Variants in MTMR12 observed in about 807,000 individuals in gnomAD.
The protein encoded by MTMR12 is myotubularin-related protein 12.
A neutral mutation model predicts 96.7 loss-of-function variants in MTMR12; 33 were observed. The ratio of observed to expected loss-of-function variants is 0.34; its 90% confidence interval spans 0.26 to 0.46. The LOEUF (loss-of-function observed/expected upper bound fraction) is 0.46. Ranked by LOEUF, MTMR12 falls within the 20% of genes least tolerant of loss-of-function variation. MTMR12 has a pLI of 1.00. For synonymous variants in MTMR12, 298 were observed against 327.2 expected, an observed-to-expected ratio of 0.91 and a Z score of 0.96; for missense variants, 721 against 896.1, an observed-to-expected ratio of 0.80 and a Z score of 2.49.
intron 1 of MTMR12, among the ~76,000 whole-genome samples, chr5:32,302,258 T>G (rs1386196161): frequency 1.3e-5 from 2 of 152,248 alleles, no homozygotes; most frequent in Non-Finnish European, 2.9e-5. Flanking sequence ...ACAGCATGGT[T>G]TTACAACTGC....
chr5:32,312,890 C>T lies in MTMR12; in HGVS notation c.-52G>A. 8.8e-6 allele frequency: 13 copies of T among 1,483,088 alleles called. No homozygotes were observed. Among genetic ancestry groups the T allele is most frequent in the African/African-American group, 5.8e-5 (4 of 68,672 alleles). 91.9% of individuals were successfully genotyped at this position (1,483,088 alleles called of 1,614,324 possible). ...GCGGACGCAGAGGCGGCGGCTCGGGCTCCAGCTGGGGCAGCAGCGGCGGCC... is the reference window on the plus strand; with the variant it reads ...GCGGACGCAGAGGCGGCGGCTCGGGTTCCAGCTGGGGCAGCAGCGGCGGCC... On this transcript the variant is annotated 5_prime_UTR_variant, in exon 1 of 16. Transcript: ENST00000382142. The surrounding 1 kb of genome is among the most constrained non-coding windows in gnomAD (Gnocchi z 5.0).
chr5:32,296,964 G>A (rs1002272488), intron 1 of MTMR12, among the ~76,000 whole-genome samples: 4 of 151,828 alleles, frequency 2.6e-5, no homozygotes, highest in East Asian at 1.9e-4. Context: ...TTAGCTGGGC[G>A]TGATGGCGGG....
intron 8 of MTMR12, among the ~76,000 whole-genome samples, chr5:32,253,787 A>G (rs900444844): frequency 5.3e-5 from 8 of 152,136 alleles, no homozygotes; most frequent in African/African-American, 1.9e-4. Flanking sequence ...TTACCAGGCT[A>G]ATTTTAAAAA....
At chr5:32,238,142 T>A (rs868695969) in intron 13 of MTMR12, among the ~76,000 whole-genome samples, 645 of 38,388 alleles carry the variant, frequency 0.017, 8 homozygotes, top group African/African-American at 0.056. Flanking sequence ...AGACTCCGTC[T>A]CAAAAAAAAA....
intron 8 of MTMR12, among the ~76,000 whole-genome samples, chr5:32,254,144 T>C (rs80291009): frequency 3.2e-3 from 489 of 152,352 alleles, no homozygotes; most frequent in South Asian, 8.7e-3. Context: ...TATGAAAGAC[T>C]GAAAGATAGA....
Position 32,229,908 on chromosome 5 carries a change from A to G in MTMR12, c.2114T>C (p.Leu705Ser), listed in dbSNP as rs759591272. 1 of 1,613,424 alleles carries G rather than the reference A, an allele frequency of 6.2e-7. No homozygotes were observed. Among genetic ancestry groups the G allele is most frequent in the South Asian group, 1.1e-5 (1 of 90,928 alleles). The change falls in exon 16 of 16, where the codon TTG becomes TCG. Residue 705 changes from leucine (L) to serine (S), a missense_variant. Physicochemically the swap from Leu to Ser is moderately radical, Grantham distance 145. Transcript: ENST00000382142. ...TCGCTGGAGCAGAGCGAAAGGAAACAAAGACGAGAGGCGGGCAGAGTTCCT... is the reference window on the plus strand; with the variant it reads ...TCGCTGGAGCAGAGCGAAAGGAAACGAAGACGAGAGGCGGGCAGAGTTCCT... The part of the protein sequence containing the change: ...LLRNSARLSS[L>S]FPFALLQRHS...
intron 1 of MTMR12, among the ~76,000 whole-genome samples, chr5:32,294,469 AT>A (rs201717350): frequency 1.6e-4 from 24 of 146,716 alleles, no homozygotes; most frequent in South Asian, 4.4e-4. Flanking sequence ...CATCTGGTTA[AT>A]TTTTTTTTTT....
At chr5:32,247,218 T>C (rs1395231032) in intron 10 of MTMR12, among the ~76,000 whole-genome samples, 3 of 151,752 alleles carry the variant, frequency 2.0e-5, no homozygotes, top group Admixed American at 6.6e-5. Flanking sequence ...GGTGAGGAGG[T>C]GTGTGCCTGT....
intron 2 of MTMR12, among the ~76,000 whole-genome samples, chr5:32,274,571 C>A (rs972137016): frequency 6.6e-5 from 10 of 152,140 alleles, no homozygotes; most frequent in African/African-American, 2.2e-4. Context: ...TGAGAGGGGG[C>A]AGCTTCTAAT....
chr5:32,232,956 CT>C, intron 15 of MTMR12: 1 of 984,728 alleles, frequency 1.0e-6, no homozygotes, highest in Non-Finnish European at 1.2e-6. Context: ...TCGACTTAGA[CT>C]TACCATCACT....
chr5:32,279,247 C>T (rs559623841), intron 1 of MTMR12, among the ~76,000 whole-genome samples: 7 of 151,750 alleles, frequency 4.6e-5, no homozygotes, highest in Non-Finnish European at 7.4e-5. Context: ...CTCTACAAAA[C>T]AAACAAACAA....
intron 10 of MTMR12, among the ~76,000 whole-genome samples, chr5:32,246,969 A>G (rs1188398979): frequency 6.6e-6 from 1 of 152,216 alleles, no homozygotes; most frequent in Non-Finnish European, 1.5e-5. Flanking sequence ...TACATTTTCC[A>G]TGAACTTTTT....
intron 1 of MTMR12, among the ~76,000 whole-genome samples, chr5:32,302,021 T>C (rs1323071541): frequency 6.6e-6 from 1 of 151,952 alleles, no homozygotes; most frequent in Non-Finnish European, 1.5e-5. Flanking sequence ...AAGAGGAAGG[T>C]CATCTTCAAC....
chr5:32,310,221 T>C (rs970697941), intron 1 of MTMR12, among the ~76,000 whole-genome samples: 5 of 152,168 alleles, frequency 3.3e-5, no homozygotes, highest in Non-Finnish European at 7.3e-5. Flanking sequence ...GAAAATGGCT[T>C]GAGTACAGGA....
chr5:32,233,670 G>C lies in MTMR12; in HGVS notation c.1674+103C>G. ...AAGTCTCAACTCTGCAGACTGCTTC[G>C]AGGGGTAGAAAATGCTGGCAGACAG... On this transcript the variant is annotated intron_variant, in intron 15 of 15. Transcript: ENST00000382142. This position sits in a 1 kb window ranked among gnomAD's most constrained non-coding sequence, Gnocchi z 5.0. 6.7e-7 allele frequency: 1 copy of C among 1,496,520 alleles called. No homozygotes were observed. Among genetic ancestry groups the C allele is most frequent in the Non-Finnish European group, 9.2e-7 (1 of 1,087,868 alleles). 92.7% of individuals were successfully genotyped at this position (1,496,520 alleles called of 1,614,324 possible).
At chr5:32,311,269 T>C (rs1233702657) in intron 1 of MTMR12, among the ~76,000 whole-genome samples, 3 of 152,244 alleles carry the variant, frequency 2.0e-5, no homozygotes, top group Non-Finnish European at 4.4e-5. Context: ...ATTGCTTAAA[T>C]GTGATACCAC....
intron 4 of MTMR12, 137 bp from the exon 5 acceptor site, chr5:32,271,084 T>C: frequency 2.8e-6 from 3 of 1,061,112 alleles, no homozygotes; most frequent in Non-Finnish European, 2.6e-6. Flanking sequence ...GACTTTTAAG[T>C]GACTGCCAAA....
At chr5:32,246,982 A>G (rs1748716151) in intron 10 of MTMR12, among the ~76,000 whole-genome samples, 1 of 152,178 alleles carries the variant, frequency 6.6e-6, no homozygotes, top group Non-Finnish European at 1.5e-5. Flanking sequence ...AACTTTTTGA[A>G]GACCCCTTGT....
Position 32,308,198 on chromosome 5 carries a change from T to C in MTMR12, c.81+4560A>G, listed in dbSNP as rs1751431333. Among the ~76,000 whole-genome samples, 4 of 152,038 alleles carry C rather than the reference T, an allele frequency of 2.6e-5. 1 individual carries two copies. Among genetic ancestry groups the C allele is most frequent in the African/African-American group, 4.8e-5 (2 of 41,392 alleles). On this transcript the variant is annotated intron_variant, in intron 1 of 15. Transcript: ENST00000382142. ...TTAGCTGGGTGTGGTGGTGCACGCC[T>C]GTAGTCCCAGCTACTCAGGAGGCTG...
Sources: gnomAD v4.1 joint callset for allele counts (sites outside exome capture counted in the v4.1 genomes callset) on GRCh38, gnomAD v4.1.1 for gene constraint, Gnocchi (gnomAD v3.1) non-coding constraint, MANE v1.5 for transcripts, NCBI Gene and HGNC (gene_info 2026-07-23, HGNC 2026-07-21) for gene names.